The following GRAP2 variants were observed in gnomAD, a reference collection of about 807,000 sequenced individuals.
GRAP2 encodes the protein GRB2 related adaptor protein 2.
Under a neutral mutation model 43.5 loss-of-function variants are expected in GRAP2, and 31 were observed. The observed-to-expected ratio is 0.71, with a 90% CI of 0.54 to 0.96. The LOEUF (loss-of-function observed/expected upper bound fraction) is 0.96. Among genes scored for constraint, GRAP2 ranks in the 40% least tolerant of loss-of-function variants. The pLI is 0.00. For missense variants in GRAP2, 371 were observed against 424.4 expected (o/e 0.87, Z 1.11); for synonymous variants, 156 against 164.8 (o/e 0.95, Z 0.41).
chr22:39,962,916 G>A (rs758969371), intron 4 of GRAP2, among the ~76,000 whole-genome samples: 13 of 151,928 alleles, frequency 8.6e-5, no homozygotes, highest in Non-Finnish European at 1.3e-4. Flanking sequence ...TAATCCACCC[G>A]CCTCAGCCTC....
chr22:39,944,881 T>A (rs1202954399), intron 1 of GRAP2, among the ~76,000 whole-genome samples: 1 of 152,244 alleles, frequency 6.6e-6, no homozygotes, highest in Non-Finnish European at 1.5e-5. Flanking sequence ...TCCATCCTGC[T>A]TATTAAGGTG....
At chr22:39,958,873 A>C (rs577331079) in intron 3 of GRAP2, among the ~76,000 whole-genome samples, 1 of 152,142 alleles carries the variant, frequency 6.6e-6, no homozygotes, top group Non-Finnish European at 1.5e-5. Context: ...GCCACCAGAA[A>C]CTGCTGCTTT....
intron 7 of GRAP2, 117 bp from the exon 8 acceptor site, chr22:39,970,788 C>G (rs2067232804): frequency 1.1e-6 from 1 of 937,766 alleles, no homozygotes; most frequent in African/African-American, 1.7e-5. Flanking sequence ...GCAGAGGGGT[C>G]AGCCTTCAGG....
At chr22:39,924,689 G>C (rs951108621) in intron 1 of GRAP2, among the ~76,000 whole-genome samples, 5 of 151,750 alleles carry the variant, frequency 3.3e-5, no homozygotes, top group African/African-American at 1.2e-4. Context: ...GTGACAAAAC[G>C]AGACTCCGTC....
intron 1 of GRAP2, among the ~76,000 whole-genome samples, chr22:39,920,818 G>A (rs941613862): frequency 4.0e-5 from 6 of 151,768 alleles, no homozygotes; most frequent in East Asian, 1.9e-4. Flanking sequence ...TGCTGAAACC[G>A]TGCATGCCCT....
At chr22:39,899,695 C>T (rs1034940622), upstream of GRAP2, among the ~76,000 whole-genome samples, 1 of 152,066 alleles carries the variant, frequency 6.6e-6, no homozygotes, top group African/African-American at 2.4e-5. Context: ...TATTAAGGAG[C>T]TACAGGGCCG....
At chr22:39,924,710 AAAG>A (rs1465337616) in intron 1 of GRAP2, among the ~76,000 whole-genome samples, 4 of 152,230 alleles carry the variant, frequency 2.6e-5, no homozygotes, top group Non-Finnish European at 4.4e-5. Context: ...TCAAAAAAAA[AAAG>A]AAGTGACAAT....
intron 1 of GRAP2, among the ~76,000 whole-genome samples, chr22:39,915,690 T>C (rs2066597578): frequency 6.6e-6 from 1 of 152,238 alleles, no homozygotes; most frequent in Non-Finnish European, 1.5e-5. Flanking sequence ...GTCACAGGGC[T>C]GTTACATGGG....
At chr22:39,925,625 G>A (rs1017346216) in intron 1 of GRAP2, among the ~76,000 whole-genome samples, 2 of 152,186 alleles carry the variant, frequency 1.3e-5, no homozygotes, top group African/African-American at 4.8e-5. Flanking sequence ...CTCCAGCAGT[G>A]CTTCTGAGGC....
intron 1 of GRAP2, among the ~76,000 whole-genome samples, chr22:39,913,693 T>C (rs1452382584): frequency 6.6e-6 from 1 of 152,120 alleles, no homozygotes; most frequent in Non-Finnish European, 1.5e-5. Context: ...AATCACGGGA[T>C]AAGAAATGGA....
In GRAP2 at chr22:39,971,920, C is replaced by A. The variant is rs1021628008; in HGVS notation, c.*836C>A. ...CTCTAGCTGAGAATGCTGAATTTTA[C>A]AGTCATTGTTTTATGGTTACAAGGG... On this transcript the variant is annotated 3_prime_UTR_variant, in exon 8 of 8. Coordinates refer to ENST00000344138, the MANE Select transcript of GRAP2 (RefSeq NM_004810.4). The A allele has an allele frequency of 6.6e-6, 1 of 152,226 alleles. No homozygotes were observed. Among genetic ancestry groups the A allele is most frequent in the African/African-American group, 2.4e-5 (1 of 41,472 alleles). 9.4% of individuals were successfully genotyped at this position (152,226 alleles called of 1,614,324 possible).
chr22:39,968,314 A>G, intron 6 of GRAP2, 42 bp downstream of exon 6: 1 of 1,591,936 alleles, frequency 6.3e-7, no homozygotes, highest in Non-Finnish European at 8.6e-7. Context: ...GGTGGAAAGG[A>G]GAACCTGCCT....
intron 1 of GRAP2, among the ~76,000 whole-genome samples, chr22:39,941,062 G>A (rs1181289735): frequency 3.3e-5 from 5 of 152,218 alleles, no homozygotes; most frequent in African/African-American, 1.2e-4. Flanking sequence ...GCACCTCTGA[G>A]TGGGAAGTTA....
At chr22:39,904,410 A>AAAGAT (rs995980536) in intron 1 of GRAP2, among the ~76,000 whole-genome samples, 7 of 152,224 alleles carry the variant, frequency 4.6e-5, no homozygotes, top group African/African-American at 1.7e-4. Flanking sequence ...AAAGAAAAGA[A>AAAGAT]AAGAAAAGAT....
At chr22:39,947,252 C>A in intron 2 of GRAP2, 68 bp downstream of exon 2, 1 of 810,770 alleles carries the variant, frequency 1.2e-6, no homozygotes, top group Non-Finnish European at 2.2e-6. Flanking sequence ...ACAGTCCCTG[C>A]CTTTGTCTCT....
At chr22:39,931,205 G>T (rs1276631610) in intron 1 of GRAP2, among the ~76,000 whole-genome samples, 1 of 152,224 alleles carries the variant, frequency 6.6e-6, no homozygotes, top group Non-Finnish European at 1.5e-5. Flanking sequence ...GAGAGAGAAG[G>T]TGGGCAAGAC....
intron 3 of GRAP2, 138 bp from the exon 4 acceptor site, chr22:39,959,917 A>C: frequency 1.4e-6 from 1 of 732,512 alleles, no homozygotes; most frequent in Non-Finnish European, 2.4e-6. Flanking sequence ...TTTGATTTCA[A>C]ACAGCACCTG....
intron 1 of GRAP2, among the ~76,000 whole-genome samples, chr22:39,916,524 T>A (rs1205167841): frequency 1.3e-5 from 2 of 152,270 alleles, no homozygotes; most frequent in East Asian, 3.8e-4. Context: ...TTAAATTGAA[T>A]GTAAAAAGAT....
chr22:39,899,661 T>A (rs1440659954), upstream of GRAP2, among the ~76,000 whole-genome samples: 2 of 152,170 alleles, frequency 1.3e-5, no homozygotes, highest in African/African-American at 4.8e-5. Flanking sequence ...TTGACAAAGT[T>A]GCATTAATAA....
Sources: allele counts gnomAD v4.1 joint callset (sites outside exome capture counted in the v4.1 genomes callset), GRCh38; gene constraint gnomAD v4.1.1; transcripts MANE v1.5; gene names NCBI Gene and HGNC (gene_info 2026-07-23, HGNC 2026-07-21).